The following CTTNBP2 variants were observed in gnomAD, a reference collection of about 807,000 sequenced individuals.
CTTNBP2 encodes cortactin-binding protein 2.
Under a neutral mutation model 156.9 loss-of-function variants are expected in CTTNBP2, and 108 were observed. The observed-to-expected ratio is 0.69, with a 90% CI of 0.59 to 0.81. The LOEUF is 0.81. Ranked by LOEUF, CTTNBP2 falls within the 30% of genes least tolerant of loss-of-function variation. The pLI is 0.00. For synonymous variants in CTTNBP2, 767 were observed against 751.8 expected (o/e 1.02, Z -0.33); for missense variants, 1,924 against 2,035.4 (o/e 0.95, Z 1.05).
At chr7:117,810,712 T>C in intron 3 of CTTNBP2, 53 bp downstream of exon 3, 1 of 1,409,984 alleles carries the variant, frequency 7.1e-7, no homozygotes, top group Non-Finnish European at 1.0e-6. Flanking sequence ...GGAGGTGATC[T>C]CCTCATTGGA....
chr7:117,722,120 C>G (rs1794824397), intron 19 of CTTNBP2, among the ~76,000 whole-genome samples: 1 of 152,196 alleles, frequency 6.6e-6, no homozygotes, highest in African/African-American at 2.4e-5. Context: ...TAGCGCACAG[C>G]CTTGGGCTCT....
chr7:117,718,228 T>C (rs1407052291), intron 21 of CTTNBP2, 109 bp from the exon 22 acceptor site: 6 of 658,492 alleles, frequency 9.1e-6, no homozygotes, highest in Non-Finnish European at 5.4e-6. Flanking sequence ...TCTTATCCTC[T>C]TCCCTGCCCC....
chr7:117,796,801 T>C lies in CTTNBP2; in HGVS notation c.415-4020A>G, dbSNP rs35586890. ...ACACCATATTAAACATGTAGATGAA[T>C]GTTTTTATAAGTTAGATAGGGGTTA... On this transcript the variant is annotated intron_variant, in intron 3 of 22. Coordinates refer to ENST00000160373, the MANE Select transcript of CTTNBP2 (RefSeq NM_033427.3). Among the ~76,000 whole-genome samples, 415 of 152,366 alleles carry C rather than the reference T, an allele frequency of 2.7e-3. 2 individuals carry two copies. The highest frequency in any genetic ancestry group is 9.6e-3 in the African/African-American group (398 of 41,590).
intron 2 of CTTNBP2, among the ~76,000 whole-genome samples, chr7:117,815,267 T>C: frequency 6.6e-6 from 1 of 152,162 alleles, no homozygotes. Flanking sequence ...GATTCCATGG[T>C]GAAAACTCAT....
intron 2 of CTTNBP2, among the ~76,000 whole-genome samples, chr7:117,813,522 G>A (rs1179786052): frequency 6.6e-6 from 1 of 152,104 alleles, no homozygotes; most frequent in Non-Finnish European, 1.5e-5. Context: ...CTATTGAACA[G>A]GACCTGAATC....
At chr7:117,754,466 C>T (rs560565874) in intron 12 of CTTNBP2, among the ~76,000 whole-genome samples, 2 of 152,252 alleles carry the variant, frequency 1.3e-5, no homozygotes, top group African/African-American at 4.8e-5. Context: ...TAGCTCTATC[C>T]TCAGTTTCTA....
intron 2 of CTTNBP2, among the ~76,000 whole-genome samples, chr7:117,820,240 C>T (rs1314713847): frequency 6.6e-6 from 1 of 152,154 alleles, no homozygotes; most frequent in East Asian, 1.9e-4. Context: ...AAGCTGAATC[C>T]AGAACAACGT....
Position 117,777,595 on chromosome 7 carries a change from C to CTTGG in CTTNBP2, c.2690_2693dup (p.Lys898AsnfsTer11). 6.2e-7 allele frequency: 1 copy of CTTGG among 1,614,016 alleles called. No individual in the cohort carries two copies. Among genetic ancestry groups the CTTGG allele is most frequent in the South Asian group, 1.1e-5 (1 of 91,070 alleles). ...TAATGAGGTCTGCAGGAACAACAGG[C>CTTGG]TTGGATATGCCTTCAGGACTCTCTT... is the stretch of plus-strand genomic sequence containing the variant. On this transcript the variant is annotated frameshift_variant, in exon 8 of 23. Coordinates refer to ENST00000160373, the MANE Select transcript of CTTNBP2 (RefSeq NM_033427.3). LOFTEE classifies it high-confidence loss of function.
intron 2 of CTTNBP2, among the ~76,000 whole-genome samples, chr7:117,813,595 C>G (rs1409461486): frequency 1.3e-5 from 2 of 152,156 alleles, no homozygotes; most frequent in African/African-American, 4.8e-5. Flanking sequence ...ACTCATGGAT[C>G]TTTATCTAAA....
At position 117,792,242 on chromosome 7, in the gene CTTNBP2, G is replaced by A; in HGVS notation, c.954C>T (p.His318=). 1 of 1,614,202 alleles carries A rather than the reference G, an allele frequency of 6.2e-7. No individual in the cohort carries two copies. Reference sequence around the variant, plus strand: ...GCATGGTTAAAGGCAACTTTTTCATGTGGTCAGCATTTTCTGTCACTAGGT... The same window carrying A: ...GCATGGTTAAAGGCAACTTTTTCATATGGTCAGCATTTTCTGTCACTAGGT... ...QTDLVTENAD[H]MKKLPLTMPV... The change falls in exon 4 of 23, where the codon CAC becomes CAT. Residue 318 remains histidine, a synonymous_variant. Coordinates refer to ENST00000160373, the MANE Select transcript of CTTNBP2 (RefSeq NM_033427.3). The surrounding 1 kb of genome is among the most constrained non-coding windows in gnomAD (Gnocchi z 4.2).
chr7:117,809,254 A>G (rs1399803148), intron 3 of CTTNBP2, among the ~76,000 whole-genome samples: 1 of 152,132 alleles, frequency 6.6e-6, no homozygotes, highest in Non-Finnish European at 1.5e-5. Context: ...TTTTTCTCCT[A>G]AAAGAGAAAT....
intron 6 of CTTNBP2, among the ~76,000 whole-genome samples, chr7:117,781,264 A>C (rs1798420594): frequency 6.6e-6 from 1 of 152,240 alleles, no homozygotes; most frequent in Non-Finnish European, 1.5e-5. Context: ...TAAGTTGTAA[A>C]ATTAGTTGAG....
At chr7:117,788,560 G>T (rs1585005762) in intron 4 of CTTNBP2, among the ~76,000 whole-genome samples, 1 of 152,326 alleles carries the variant, frequency 6.6e-6, no homozygotes, top group East Asian at 1.9e-4. Flanking sequence ...GGCACAGACA[G>T]GTTAGTAAGC....
intron 9 of CTTNBP2, among the ~76,000 whole-genome samples, chr7:117,762,675 T>C (rs1421870370): frequency 6.6e-6 from 1 of 152,336 alleles, no homozygotes; most frequent in East Asian, 1.9e-4. Context: ...AGTGCTACTG[T>C]TAAAATGTGC....
At chr7:117,743,889 T>C (rs1796165028) in intron 14 of CTTNBP2, among the ~76,000 whole-genome samples, 1 of 151,836 alleles carries the variant, frequency 6.6e-6, no homozygotes, top group African/African-American at 2.4e-5. Context: ...CACTAATTTC[T>C]AGCCCAAGAC....
intron 2 of CTTNBP2, among the ~76,000 whole-genome samples, chr7:117,838,397 A>G (rs765080841): frequency 6.6e-6 from 1 of 152,214 alleles, no homozygotes; most frequent in Non-Finnish European, 1.5e-5. Context: ...TAATGCTAAT[A>G]TCATCAAGGA....
chr7:117,760,471 C>T lies in CTTNBP2; in HGVS notation c.3136G>A (p.Gly1046Ser), dbSNP rs754855234. Residue 1046 changes from glycine (G) to serine (S), a missense_variant, in exon 10 of 23, where the codon GGC (glycine) becomes AGC (serine). Transcript: ENST00000160373. Reference protein sequence around the residue: ...TCNNTTDSNIGLSARSIRSIT... With the variant: ...TCNNTTDSNISLSARSIRSIT... ...GATCGTATGCTTCTTGCACTGAGGC[C>T]GATGTTGGAATCAGTGGTGTTATTG... 26 of 1,613,910 alleles carry T rather than the reference C, an allele frequency of 1.6e-5. No individual in the cohort carries two copies. The highest frequency in any genetic ancestry group is 4.5e-5 in the East Asian group (2 of 44,890).
At chr7:117,842,206 A>G (rs1463356436) in intron 2 of CTTNBP2, among the ~76,000 whole-genome samples, 1 of 152,124 alleles carries the variant, frequency 6.6e-6, no homozygotes, top group Non-Finnish European at 1.5e-5. Context: ...GCTCCGAAAA[A>G]GTCTTTTTTT....
intron 3 of CTTNBP2, among the ~76,000 whole-genome samples, chr7:117,802,437 C>CAAAAAAAAAAAAAAA (rs759797673): frequency 9.6e-5 from 8 of 83,734 alleles, no homozygotes; most frequent in Admixed American, 4.2e-4. Context: ...TCAGCATTGG[C>CAAAAAAAAAAAAAAA]AAAAAAAAAA....
Sources: allele counts gnomAD v4.1 joint callset (sites outside exome capture counted in the v4.1 genomes callset), GRCh38; gene constraint gnomAD v4.1.1; non-coding constraint Gnocchi (gnomAD v3.1); transcripts MANE v1.5; gene names NCBI Gene and HGNC (gene_info 2026-07-23, HGNC 2026-07-21).